The following COL4A3 variants were observed in gnomAD, a reference collection of about 807,000 sequenced individuals.
The protein encoded by COL4A3 is collagen type IV alpha 3 chain, also known as collagen alpha-3(IV) chain.
A neutral mutation model predicts 217.4 loss-of-function variants in COL4A3; 135 were observed. The observed-to-expected ratio is 0.62, with a 90% CI of 0.54 to 0.72. The LOEUF (loss-of-function observed/expected upper bound fraction) is 0.72. Ranked by LOEUF, COL4A3 falls within the 30% of genes least tolerant of loss-of-function variation. COL4A3 has a pLI of 0.00. For missense variants in COL4A3, 1,868 were observed against 2,119.9 expected, an observed-to-expected ratio of 0.88 and a Z score of 2.33; for synonymous variants, 690 against 736.3, an observed-to-expected ratio of 0.94 and a Z score of 1.02.
intron 1 of COL4A3, among the ~76,000 whole-genome samples, chr2:227,187,629 C>G (rs2125692215): frequency 6.6e-6 from 1 of 152,288 alleles, no homozygotes; most frequent in South Asian, 2.1e-4. Context: ...TAGGAATATG[C>G]AGGCTTATTG....
chr2:227,200,382 G>A (rs2125733275), intron 1 of COL4A3, among the ~76,000 whole-genome samples: 1 of 152,246 alleles, frequency 6.6e-6, no homozygotes, highest in African/African-American at 2.4e-5. Flanking sequence ...GTTCTACACA[G>A]AGTTTCAACT....
chr2:227,217,369 A>G (rs1412825368), intron 1 of COL4A3, among the ~76,000 whole-genome samples: 1 of 152,200 alleles, frequency 6.6e-6, no homozygotes, highest in Non-Finnish European at 1.5e-5. Context: ...ATCTACATGG[A>G]CTTGTACCAC....
chr2:227,242,698 A>C (rs149439775), intron 3 of COL4A3, among the ~76,000 whole-genome samples: 1 of 152,270 alleles, frequency 6.6e-6, no homozygotes, highest in East Asian at 1.9e-4. Flanking sequence ...TTACTCCCCT[A>C]TCACTCAGAA....
chr2:227,219,498 G>C (rs1236567407), intron 1 of COL4A3, among the ~76,000 whole-genome samples: 1 of 152,150 alleles, frequency 6.6e-6, no homozygotes, highest in East Asian at 1.9e-4. Context: ...CTGCTTCTAA[G>C]ATTTTATTTA....
At chr2:227,307,569 C>G (rs1354641529) in intron 47 of COL4A3, 141 bp from the exon 48 acceptor site, 1 of 713,400 alleles carries the variant, frequency 1.4e-6, no homozygotes, top group African/African-American at 1.8e-5. Context: ...ACTGTTTGGC[C>G]ATTTTTATAA....
chr2:227,192,789 C>A (rs2066295990), intron 1 of COL4A3, among the ~76,000 whole-genome samples: 1 of 151,882 alleles, frequency 6.6e-6, no homozygotes, highest in African/African-American at 2.4e-5. Context: ...TCGAGTCAAC[C>A]CAAATAAGAG....
intron 1 of COL4A3, among the ~76,000 whole-genome samples, chr2:227,200,181 A>T (rs1471275159): frequency 6.6e-6 from 1 of 152,180 alleles, no homozygotes; most frequent in African/African-American, 2.4e-5. Context: ...GATGGAAAAG[A>T]ACAGGAACGA....
Position 227,281,023 on chromosome 2 carries a change from A to C in COL4A3, c.2488+17A>C. On this transcript the variant is annotated intron_variant, in intron 31 of 51. Transcript: ENST00000396578. ...GGCAACAAGGTAGGAGGAGGGCCTC[A>C]AAACTGGCCACCAGAAGGGCAGGAG... 2.7e-6 allele frequency: 4 copies of C among 1,499,382 alleles called. No homozygotes were observed. Among genetic ancestry groups the C allele is most frequent in the Non-Finnish European group, 3.6e-6 (4 of 1,099,068 alleles). 92.9% of individuals were successfully genotyped at this position (1,499,382 alleles called of 1,614,324 possible).
intron 1 of COL4A3, among the ~76,000 whole-genome samples, chr2:227,177,188 A>C (rs905122216): frequency 6.4e-5 from 9 of 139,778 alleles, no homozygotes; most frequent in South Asian, 2.2e-4. Flanking sequence ...CTTGCTCTGT[A>C]ACCCAGGCTG....
chr2:227,246,766 A>T (rs1559862632), intron 7 of COL4A3, 28 bp downstream of exon 7: 2 of 1,573,144 alleles, frequency 1.3e-6, no homozygotes, highest in Non-Finnish European at 1.8e-6. Context: ...ATTCCCCAAC[A>T]AAGACATAAA....
chr2:227,310,062 A>G (rs2073682716), intron 50 of COL4A3, among the ~76,000 whole-genome samples: 1 of 152,232 alleles, frequency 6.6e-6, no homozygotes, highest in Admixed American at 6.5e-5. Context: ...TCTTACAACT[A>G]TTTAGTGGAA....
intron 21 of COL4A3, chr2:227,266,058 T>A (rs1336269091): frequency 3.8e-6 from 1 of 261,888 alleles, no homozygotes; most frequent in African/African-American, 2.2e-5. Flanking sequence ...CCAGGTCCCT[T>A]TCATGACACA....
intron 37 of COL4A3, 167 bp from the exon 38 acceptor site, chr2:227,293,024 A>C (rs2072841366): frequency 2.5e-6 from 1 of 404,344 alleles, no homozygotes; most frequent in East Asian, 1.6e-4. Context: ...GGGCCCCATA[A>C]ACCATGTGGC....
chr2:227,287,794 T>A (rs924033783), intron 34 of COL4A3, among the ~76,000 whole-genome samples: 1 of 152,180 alleles, frequency 6.6e-6, no homozygotes, highest in Non-Finnish European at 1.5e-5. Flanking sequence ...CCAACTCTAG[T>A]ATAGAGTTTA....
chr2:227,196,926 C>T (rs554151674), intron 1 of COL4A3, among the ~76,000 whole-genome samples: 3 of 152,250 alleles, frequency 2.0e-5, no homozygotes, highest in African/African-American at 7.2e-5. Context: ...CCATAATTCC[C>T]ACACGTTGTG....
At chr2:227,261,500 C>T (rs781478955) in intron 20 of COL4A3, among the ~76,000 whole-genome samples, 2 of 152,222 alleles carry the variant, frequency 1.3e-5, no homozygotes, top group Non-Finnish European at 2.9e-5. Context: ...GCACTCCAGC[C>T]TGGGCAACAG....
At chr2:227,230,957 G>A (rs1221324019) in intron 1 of COL4A3, among the ~76,000 whole-genome samples, 1 of 152,174 alleles carries the variant, frequency 6.6e-6, no homozygotes, top group East Asian at 1.9e-4. Context: ...ACATTGTCAT[G>A]TGCTCTGAAG....
At chr2:227,295,196 C>A in intron 40 of COL4A3, 73 bp from the exon 41 acceptor site, 1 of 1,548,440 alleles carries the variant, frequency 6.5e-7, no homozygotes, top group Non-Finnish European at 8.9e-7. Flanking sequence ...TCGGTGTGTA[C>A]TAAACTTTTC....
At position 227,289,245 on chromosome 2, in the gene COL4A3, C is replaced by G. The variant is rs1045424298; in HGVS notation, c.2977C>G (p.Pro993Ala). The change falls in exon 35 of 52, where the codon CCA becomes GCA. Residue 993 changes from proline (P) to alanine (A), a missense_variant. By Grantham distance (27) the Pro-to-Ala change is conservative. Around this residue, in one of 2 missense-constraint regions of COL4A3, gnomAD observed 1,503 missense variants for 1,786.1 expected, o/e 0.84. Coordinates refer to ENST00000396578, the MANE Select transcript of COL4A3 (RefSeq NM_000091.5). Reference protein sequence around the residue: ...LKGLPGPAGPPGPRGDLGSTG... With the variant: ...LKGLPGPAGPAGPRGDLGSTG... Reference sequence around the variant, plus strand: ...AGGACTACCCGGACCAGCAGGACCACCAGGTACAGCTGATTCTCAAATAGA... The same window carrying G: ...AGGACTACCCGGACCAGCAGGACCAGCAGGTACAGCTGATTCTCAAATAGA... 10 of 1,609,926 alleles carry G rather than the reference C, an allele frequency of 6.2e-6. No homozygotes were observed. Among genetic ancestry groups the G allele is most frequent in the Non-Finnish European group, 8.5e-6 (10 of 1,176,552 alleles).
Sources: allele counts gnomAD v4.1 joint callset (sites outside exome capture counted in the v4.1 genomes callset), GRCh38; gene constraint gnomAD v4.1.1; regional missense constraint gnomAD v4.1.1; transcripts MANE v1.5; gene names NCBI Gene and HGNC (gene_info 2026-07-23, HGNC 2026-07-21).